PLAAT3: variants seen among roughly 807,000 people sequenced by gnomAD.
PLAAT3 encodes the protein Ca-independent phospholipase A1/2.
Under a neutral mutation model 16.7 loss-of-function variants are expected in PLAAT3, and 21 were observed. The ratio of observed to expected loss-of-function variants is 1.26; its 90% CI spans 0.89 to 1.81. The LOEUF (loss-of-function observed/expected upper bound fraction) is 1.81, where lower values mean the gene tolerates loss of function less well. PLAAT3 is among the 40% of genes most tolerant of loss of function. The pLI, the probability that PLAAT3 is intolerant of heterozygous loss-of-function variation, is 0.00. For synonymous variants in PLAAT3, 76 were observed against 81.7 expected (o/e 0.93, Z 0.38); for missense variants, 219 against 213.7 (o/e 1.02, Z -0.16).
chr11:63,575,136 T>C, intron 4 of PLAAT3, 90 bp from the exon 5 acceptor site: 1 of 857,088 alleles, frequency 1.2e-6, no homozygotes, highest in Non-Finnish European at 1.9e-6. Flanking sequence ...TCGGGATACC[T>C]CACATGCCCC....
At chr11:63,613,692 G>C (rs941442541) in intron 2 of PLAAT3, among the ~76,000 whole-genome samples, 12 of 145,852 alleles carry the variant, frequency 8.2e-5, no homozygotes, top group Admixed American at 3.5e-4. Flanking sequence ...GTGTGGCTCC[G>C]GAGGGCAGCG....
chr11:63,596,237 C>CAAA (rs56081443), intron 3 of PLAAT3, among the ~76,000 whole-genome samples: 6 of 40,720 alleles, frequency 1.5e-4, no homozygotes, highest in Non-Finnish European at 2.1e-4. Context: ...GAGACTCTGT[C>CAAA]AAAAAAAAAA....
chr11:63,615,076 G>GTGTATATGTGTGTGTATA (rs1283792028), upstream of PLAAT3, among the ~76,000 whole-genome samples: 4 of 31,710 alleles, frequency 1.3e-4, no homozygotes, highest in East Asian at 1.7e-3. Context: ...GTGTATATAT[G>GTGTATATGTGTGTGTATA]TGTGTATATA....
At chr11:63,589,272 G>A (rs753365700) in intron 4 of PLAAT3, among the ~76,000 whole-genome samples, 5 of 151,968 alleles carry the variant, frequency 3.3e-5, no homozygotes, top group Non-Finnish European at 7.4e-5. Flanking sequence ...CAGGGAAGAA[G>A]AAATTGGATC....
At chr11:63,611,102 T>C (rs2134434978) in intron 2 of PLAAT3, among the ~76,000 whole-genome samples, 1 of 152,246 alleles carries the variant, frequency 6.6e-6, no homozygotes, top group Non-Finnish European at 1.5e-5. Flanking sequence ...TTGGAGTTTT[T>C]TGTTTTATTG....
At chr11:63,595,848 C>CA (rs1270544154) in intron 3 of PLAAT3, among the ~76,000 whole-genome samples, 2 of 151,874 alleles carry the variant, frequency 1.3e-5, no homozygotes, top group Admixed American at 6.6e-5. Context: ...CCTCAGTTTG[C>CA]AAAAAAGGAA....
At chr11:63,605,976 G>A (rs1237944098) in intron 2 of PLAAT3, among the ~76,000 whole-genome samples, 1 of 152,172 alleles carries the variant, frequency 6.6e-6, no homozygotes, top group Non-Finnish European at 1.5e-5. Flanking sequence ...CTGACTCCAA[G>A]CCTGCAGTCT....
intron 4 of PLAAT3, among the ~76,000 whole-genome samples, chr11:63,578,156 G>A (rs938542875): frequency 2.6e-5 from 4 of 152,006 alleles, no homozygotes; most frequent in Middle Eastern, 3.4e-3. Flanking sequence ...GGTGGTGCGC[G>A]CCTGTAATCC....
At chr11:63,615,034 A>ATATATATACATATATG (rs1490480530), upstream of PLAAT3, among the ~76,000 whole-genome samples, 1 of 28,044 alleles carries the variant, frequency 3.6e-5, no homozygotes, top group African/African-American at 7.0e-5. Context: ...ATATGTGTGT[A>ATATATATACATATATG]TATATATGTA....
chr11:63,575,884 C>T (rs1435799726), intron 4 of PLAAT3, among the ~76,000 whole-genome samples: 2 of 152,164 alleles, frequency 1.3e-5, no homozygotes, highest in Non-Finnish European at 2.9e-5. Flanking sequence ...TGAGAGAGAG[C>T]TTTAGCTGGT....
At chr11:63,585,555 C>G (rs1937950506) in intron 4 of PLAAT3, among the ~76,000 whole-genome samples, 1 of 151,956 alleles carries the variant, frequency 6.6e-6, no homozygotes, top group Non-Finnish European at 1.5e-5. Flanking sequence ...ATTATCTGGC[C>G]CATAATGTCA....
At chr11:63,615,036 A>ATATATATATATGTC (rs1430716959), upstream of PLAAT3, among the ~76,000 whole-genome samples, 203 of 23,322 alleles carry the variant, frequency 8.7e-3, 19 homozygotes, top group South Asian at 0.044. Flanking sequence ...ATGTGTGTAT[A>ATATATATATATGTC]TATATGTATA....
At chr11:63,615,172 G>GTGTATATGTGTGTATATGTGTA (rs1565259812), upstream of PLAAT3, among the ~76,000 whole-genome samples, 4 of 18,312 alleles carry the variant, frequency 2.2e-4, 1 homozygote, top group Non-Finnish European at 2.7e-4. Context: ...ATATATGTGT[G>GTGTATATGTGTGTATATGTGTA]TATATGTGTG....
chr11:63,578,144 A>C (rs567475487), intron 4 of PLAAT3, among the ~76,000 whole-genome samples: 1 of 152,012 alleles, frequency 6.6e-6, no homozygotes, highest in South Asian at 2.1e-4. Context: ...TTAGCCAGGC[A>C]TGGTGGTGCG....
chr11:63,579,872 T>TAAA (rs34817353), intron 4 of PLAAT3, among the ~76,000 whole-genome samples: 59 of 106,932 alleles, frequency 5.5e-4, no homozygotes, highest in African/African-American at 1.2e-3. Flanking sequence ...TAAAGTATAA[T>TAAA]AAAAAAAAAA....
intron 2 of PLAAT3, among the ~76,000 whole-genome samples, chr11:63,609,952 G>C (rs1938653323): frequency 6.6e-6 from 1 of 152,132 alleles, no homozygotes; most frequent in South Asian, 2.1e-4. Flanking sequence ...CACTACTGGG[G>C]GTTTTCACCT....
chr11:63,588,800 T>G (rs1032125665), intron 4 of PLAAT3, among the ~76,000 whole-genome samples: 4 of 152,098 alleles, frequency 2.6e-5, no homozygotes, highest in Admixed American at 6.5e-5. Context: ...AATATCCCAC[T>G]GTAGACAGGT....
intron 4 of PLAAT3, among the ~76,000 whole-genome samples, chr11:63,581,259 A>C (rs1937806804): frequency 1.3e-5 from 2 of 152,332 alleles, no homozygotes; most frequent in South Asian, 4.1e-4. Context: ...GGGGTCGGGC[A>C]GAATAGAGCC....
At chr11:63,578,248 A>G (rs1590679432) in intron 4 of PLAAT3, among the ~76,000 whole-genome samples, 1 of 151,804 alleles carries the variant, frequency 6.6e-6, no homozygotes. Flanking sequence ...GTGCCACTGC[A>G]CTCCAGCCTG....
Sources: gnomAD v4.1 joint callset for allele counts (sites outside exome capture counted in the v4.1 genomes callset) on GRCh38, gnomAD v4.1.1 for gene constraint, MANE v1.5 for transcripts, NCBI Gene and HGNC (gene_info 2026-07-23, HGNC 2026-07-21) for gene names.